The following COL19A1 variants were observed in gnomAD, a reference collection of about 807,000 sequenced individuals.
The protein encoded by COL19A1 is collagen type XIX alpha 1 chain.
COL19A1 carries 159 observed loss-of-function variants against 190.2 expected under a neutral mutation model. The ratio of observed to expected loss-of-function variants is 0.84; its 90% CI spans 0.73 to 0.95. The LOEUF (loss-of-function observed/expected upper bound fraction) is 0.95, where lower values mean the gene tolerates loss of function less well. Among genes scored for constraint, COL19A1 ranks in the 40% least tolerant of loss-of-function variants. The pLI, the probability that COL19A1 is intolerant of heterozygous loss-of-function variation, is 0.00. For missense variants in COL19A1, 1,418 were observed against 1,431.9 expected (o/e 0.99, Z 0.16); for synonymous variants, 509 against 458.9 (o/e 1.11, Z -1.39).
In COL19A1 at chr6:70,100,099, A is replaced by G. The variant is rs868669153; in HGVS notation, c.1225-2070A>G. 1.4e-4 allele frequency among the ~76,000 whole-genome samples: 22 copies of G among 152,290 alleles called. 1 individual carries two copies. The highest frequency in any genetic ancestry group is 5.1e-4 in the African/African-American group (21 of 41,568). On this transcript the variant is annotated intron_variant, in intron 15 of 50. Transcript: ENST00000620364. ...TTCCCCGCTTCCTGCCCAAATCAAT[A>G]TACATGACTCCTTTGAAGAAAGGGG...
chr6:69,876,603 G>A (rs1023125345), intron 1 of COL19A1, among the ~76,000 whole-genome samples: 1 of 152,094 alleles, frequency 6.6e-6, no homozygotes, highest in Non-Finnish European at 1.5e-5. Context: ...ATAAATTAGG[G>A]CTTAGAGAAG....
intron 11 of COL19A1, among the ~76,000 whole-genome samples, chr6:69,986,262 C>T (rs1041598183): frequency 2.1e-4 from 31 of 145,394 alleles, no homozygotes; most frequent in Admixed American, 2.1e-4. Context: ...TACACACACA[C>T]ATATATATAT....
intron 1 of COL19A1, among the ~76,000 whole-genome samples, chr6:69,868,047 G>T (rs1767585078): frequency 1.3e-5 from 2 of 151,562 alleles, no homozygotes; most frequent in Non-Finnish European, 2.9e-5. Flanking sequence ...TCTGCTGTAG[G>T]GGAATTTACA....
intron 9 of COL19A1, among the ~76,000 whole-genome samples, chr6:69,946,826 G>T (rs1343898639): frequency 4.0e-5 from 6 of 151,806 alleles, no homozygotes; most frequent in African/African-American, 1.5e-4. Context: ...TATCAGATAG[G>T]ATAGGAAAAT....
intron 15 of COL19A1, among the ~76,000 whole-genome samples, chr6:70,074,360 A>T (rs1349495795): frequency 1.3e-5 from 2 of 152,010 alleles, no homozygotes; most frequent in East Asian, 3.9e-4. Flanking sequence ...TTAGCTGGGC[A>T]TGGTGGTGGG....
intron 48 of COL19A1, among the ~76,000 whole-genome samples, chr6:70,194,005 GACAGCTA>G (rs1335214216): frequency 6.6e-6 from 1 of 152,214 alleles, no homozygotes; most frequent in Non-Finnish European, 1.5e-5. Flanking sequence ...AAGTAGTACA[GACAGCTA>G]ACTGCTACAG....
chr6:70,131,672 A>T (rs905493024), intron 18 of COL19A1, among the ~76,000 whole-genome samples: 28 of 146,250 alleles, frequency 1.9e-4, no homozygotes, highest in African/African-American at 6.9e-4. Flanking sequence ...GGCTAAGGGG[A>T]AAAAAAAGGA....
intron 15 of COL19A1, among the ~76,000 whole-genome samples, chr6:70,097,224 G>A (rs973605960): frequency 2.0e-5 from 3 of 152,058 alleles, no homozygotes; most frequent in Non-Finnish European, 4.4e-5. Flanking sequence ...AAAAAAAAGA[G>A]CTTTTTAAAG....
At chr6:69,965,443 C>T (rs1775035452) in intron 11 of COL19A1, among the ~76,000 whole-genome samples, 1 of 152,200 alleles carries the variant, frequency 6.6e-6, no homozygotes, top group Non-Finnish European at 1.5e-5. Flanking sequence ...AAAAAACTAG[C>T]TTTCAGGCCA....
chr6:69,977,485 G>A (rs1257183045), intron 11 of COL19A1, among the ~76,000 whole-genome samples: 3 of 151,576 alleles, frequency 2.0e-5, no homozygotes, highest in Non-Finnish European at 4.4e-5. Context: ...ACAAGTTAAT[G>A]GGTGCAGCAC....
At chr6:69,999,388 G>A (rs1434786765) in intron 11 of COL19A1, among the ~76,000 whole-genome samples, 1 of 152,006 alleles carries the variant, frequency 6.6e-6, no homozygotes, top group Non-Finnish European at 1.5e-5. Flanking sequence ...TTTTTAAATA[G>A]CTAGATGTCA....
At chr6:70,090,794 A>T (rs548172259) in intron 15 of COL19A1, among the ~76,000 whole-genome samples, 66 of 152,258 alleles carry the variant, frequency 4.3e-4, no homozygotes, top group Admixed American at 1.3e-3. Flanking sequence ...TGAAACTCAG[A>T]GCACTCACCA....
chr6:69,987,251 C>T (rs138931908), intron 11 of COL19A1, among the ~76,000 whole-genome samples: 54 of 152,280 alleles, frequency 3.5e-4, no homozygotes, highest in African/African-American at 1.3e-3. Flanking sequence ...CTGTCATGTT[C>T]ATTTATCCTA....
At chr6:70,076,830 A>C (rs1781911774) in intron 15 of COL19A1, among the ~76,000 whole-genome samples, 1 of 152,228 alleles carries the variant, frequency 6.6e-6, no homozygotes, top group Non-Finnish European at 1.5e-5. Flanking sequence ...ACATTCTGCC[A>C]AAGTGGCGAT....
intron 14 of COL19A1, among the ~76,000 whole-genome samples, chr6:70,062,303 C>T (rs1285234133): frequency 6.6e-6 from 1 of 151,816 alleles, no homozygotes; most frequent in Non-Finnish European, 1.5e-5. Context: ...CAAATGAAAG[C>T]CATCTGATTT....
At chr6:69,947,063 T>G (rs1328336060) in intron 9 of COL19A1, among the ~76,000 whole-genome samples, 1 of 151,898 alleles carries the variant, frequency 6.6e-6, no homozygotes, top group Admixed American at 6.6e-5. Context: ...CTCTGGCCCT[T>G]TGTTGAAAAA....
At position 70,149,852 on chromosome 6, in the gene COL19A1, G is replaced by C; in HGVS notation, c.1931G>C (p.Gly644Ala). The C allele has an allele frequency of 6.2e-7, 1 of 1,613,596 alleles. No homozygotes were observed. The highest frequency in any genetic ancestry group is 1.1e-5 in the South Asian group (1 of 91,062). ...GTTTTTATTTCCCTCCTTTTCCAGGGTCCTCGAGGTCTCCCTGGGTTGCCA... is the reference window on the plus strand; with the variant it reads ...GTTTTTATTTCCCTCCTTTTCCAGGCTCCTCGAGGTCTCCCTGGGTTGCCA... Reference protein sequence around the residue: ...QGPAGEPGIQGPRGLPGLPGT... With the variant: ...QGPAGEPGIQAPRGLPGLPGT... Residue 644 changes from glycine to alanine, a missense_variant and splice_region_variant, in exon 29 of 51, where the codon GGT (glycine) becomes GCT (alanine). Gly to Ala is a moderately conservative substitution (Grantham distance 60, BLOSUM62 0). Coordinates refer to ENST00000620364, the MANE Select transcript of COL19A1 (RefSeq NM_001858.6).
chr6:70,142,540 A>G (rs1287799414), intron 22 of COL19A1, among the ~76,000 whole-genome samples: 3 of 152,182 alleles, frequency 2.0e-5, no homozygotes, highest in Non-Finnish European at 2.9e-5. Context: ...GCAAGTTACC[A>G]GGTATCACCT....
chr6:70,021,687 C>T (rs1778424175), intron 11 of COL19A1, among the ~76,000 whole-genome samples: 1 of 152,078 alleles, frequency 6.6e-6, no homozygotes, highest in African/African-American at 2.4e-5. Flanking sequence ...TGGAATTTAT[C>T]GTGATGATGG....
Sources: gnomAD v4.1 joint callset for allele counts (sites outside exome capture counted in the v4.1 genomes callset) on GRCh38, gnomAD v4.1.1 for gene constraint, MANE v1.5 for transcripts, NCBI Gene and HGNC (gene_info 2026-07-23, HGNC 2026-07-21) for gene names.